ALG9: variants seen among roughly 807,000 people sequenced by gnomAD.
The protein encoded by ALG9 is alpha-1,2-mannosyltransferase ALG9.
Under a neutral mutation model 81.8 loss-of-function variants are expected in ALG9, and 55 were observed. The observed-to-expected ratio is 0.67, with a 90% CI of 0.54 to 0.84. The LOEUF (loss-of-function observed/expected upper bound fraction) is 0.84, where lower values mean the gene tolerates loss of function less well. ALG9 is among the 40% of genes least tolerant of loss of function. The pLI, the probability that ALG9 is intolerant of heterozygous loss-of-function variation, is 0.00. For synonymous variants in ALG9, 278 were observed against 274.3 expected (o/e 1.01, Z -0.13); for missense variants, 629 against 745.0 (o/e 0.84, Z 1.81).
chr11:111,785,535 C>G lies in ALG9; in HGVS notation c.*862G>C, dbSNP rs564460643. 1.3e-5 allele frequency: 2 copies of G among 153,436 alleles called. No homozygotes were observed. The highest frequency in any genetic ancestry group is 6.5e-5 in the Admixed American group (1 of 15,472). The allele number at this position is 153,436 out of a possible 1,614,324, so 9.5% of individuals were successfully genotyped here. Reference sequence around the variant, plus strand: ...AAATTCTTAATTTCCTCAGCAATGGCCTCAGATTACATTACTTAAAAATGT... The same window carrying G: ...AAATTCTTAATTTCCTCAGCAATGGGCTCAGATTACATTACTTAAAAATGT... On this transcript the variant is annotated 3_prime_UTR_variant, in exon 15 of 15. Coordinates refer to ENST00000616540, the MANE Select transcript of ALG9 (RefSeq NM_024740.2).
At position 111,785,486 on chromosome 11, in the gene ALG9, C is replaced by T. The variant is rs1195599984; in HGVS notation, c.*911G>A. 1 of 153,778 alleles carries T rather than the reference C, an allele frequency of 6.5e-6. No individual in the cohort carries two copies. Among genetic ancestry groups the T allele is most frequent in the African/African-American group, 2.4e-5 (1 of 41,426 alleles). The allele number at this position is 153,778 out of a possible 1,614,324, so 9.5% of individuals were successfully genotyped here. ...TATAAATATACACTGATCCTTTTCA[C>T]TGGGGGTGGTTAAAAAAAAAGGAAA... On this transcript the variant is annotated 3_prime_UTR_variant, in exon 15 of 15. Transcript: ENST00000616540.
At chr11:111,797,920 C>T (rs1948541036) in intron 14 of ALG9, among the ~76,000 whole-genome samples, 2 of 152,148 alleles carry the variant, frequency 1.3e-5, no homozygotes, top group Non-Finnish European at 2.9e-5. Context: ...CCAACTTGCC[C>T]TTTGACTAGA....
At chr11:111,857,765 CAGG>C in intron 5 of ALG9, 28 bp from the exon 6 acceptor site, 2 of 1,613,222 alleles carry the variant, frequency 1.2e-6, no homozygotes, top group Non-Finnish European at 1.7e-6. Flanking sequence ...TGAAAAAAGG[CAGG>C]AGGACAAGAG....
chr11:111,859,692 C>T (rs1432643477), intron 5 of ALG9, among the ~76,000 whole-genome samples: 3 of 152,106 alleles, frequency 2.0e-5, no homozygotes, highest in African/African-American at 7.2e-5. Context: ...GCATTTAGGA[C>T]AGGCTCTCAA....
intron 13 of ALG9, among the ~76,000 whole-genome samples, chr11:111,824,916 T>C (rs782753236): frequency 1.8e-4 from 27 of 152,334 alleles, no homozygotes; most frequent in Non-Finnish European, 3.4e-4. Flanking sequence ...TTCGGAAACA[T>C]CTGTGTGAAA....
At chr11:111,855,539 T>C (rs1295935642) in intron 6 of ALG9, among the ~76,000 whole-genome samples, 1 of 152,068 alleles carries the variant, frequency 6.6e-6, no homozygotes, top group Non-Finnish European at 1.5e-5. Context: ...CAATTAACAC[T>C]GATGGGAAAG....
chr11:111,864,182 A>G (rs1474099063), intron 4 of ALG9: 1 of 593,698 alleles, frequency 1.7e-6, no homozygotes, highest in Non-Finnish European at 3.1e-6. Context: ...AATAAAAGCA[A>G]GAAGTTTTCA....
chr11:111,789,830 A>C (rs1947118381), intron 14 of ALG9, among the ~76,000 whole-genome samples: 1 of 150,974 alleles, frequency 6.6e-6, no homozygotes, highest in Non-Finnish European at 1.5e-5. Context: ...AAAAAAAAAA[A>C]AACTTAAAAA....
chr11:111,823,621 A>C (rs1952775494), intron 13 of ALG9, among the ~76,000 whole-genome samples: 2 of 152,358 alleles, frequency 1.3e-5, no homozygotes, highest in East Asian at 1.9e-4. Context: ...GTGGGCTTAC[A>C]TGCCTGAAAA....
chr11:111,854,563 G>A (rs141274103), intron 6 of ALG9, among the ~76,000 whole-genome samples: 12 of 152,152 alleles, frequency 7.9e-5, no homozygotes, highest in African/African-American at 2.4e-4. Flanking sequence ...GAGCCACCAC[G>A]CCTGGCCCCA....
chr11:111,794,681 C>A lies in ALG9; in HGVS notation c.1734-8161G>T, dbSNP rs78446722. Among the ~76,000 whole-genome samples the A allele has an allele frequency of 6.5e-3, 994 of 152,192 alleles. 6 individuals carry two copies. The highest frequency in any genetic ancestry group is 0.051 in the Middle Eastern group (15 of 294). ...CTACCTATCTATCTATCCATCCATC[C>A]ATCCACCCATCCATCCAAGCATTAA... is the stretch of plus-strand genomic sequence containing the variant. On this transcript the variant is annotated intron_variant, in intron 14 of 14. Transcript: ENST00000616540.
intron 13 of ALG9, among the ~76,000 whole-genome samples, chr11:111,811,615 C>T (rs1414083719): frequency 6.6e-6 from 1 of 151,232 alleles, no homozygotes; most frequent in African/African-American, 2.4e-5. Context: ...TGTGGTATAT[C>T]CATACCATTA....
intron 13 of ALG9, among the ~76,000 whole-genome samples, chr11:111,811,711 TA>T (rs1159773419): frequency 6.6e-6 from 1 of 152,124 alleles, no homozygotes; most frequent in Non-Finnish European, 1.5e-5. Context: ...AGATAAACCT[TA>T]AAAATATTGC....
Position 111,844,815 on chromosome 11 carries a change from C to G in ALG9, c.896-92G>C, listed in dbSNP as rs1302595967. 15 of 1,382,348 alleles carry G rather than the reference C, an allele frequency of 1.1e-5. No individual in the cohort carries two copies. In the Admixed American group the frequency reaches 2.5e-4, roughly 23 times the overall value. The allele number at this position is 1,382,348 out of a possible 1,614,324, so 85.6% of individuals were successfully genotyped here. ...TATAATGTTCTTTGTTGGAATAACA[C>G]TGATGATCCTATGCCTCATGGGAAT... On this transcript the variant is annotated intron_variant, in intron 8 of 14. Coordinates refer to ENST00000616540, the MANE Select transcript of ALG9 (RefSeq NM_024740.2).
chr11:111,853,550 G>A, intron 7 of ALG9, 65 bp from the exon 8 acceptor site: 1 of 1,572,414 alleles, frequency 6.4e-7, no homozygotes, highest in Non-Finnish European at 8.8e-7. Flanking sequence ...GGATAAACCT[G>A]AGAATGAAAA....
At chr11:111,851,608 G>T (rs1470718944) in intron 8 of ALG9, among the ~76,000 whole-genome samples, 1 of 152,002 alleles carries the variant, frequency 6.6e-6, no homozygotes, top group African/African-American at 2.4e-5. Flanking sequence ...TTATAAAGGT[G>T]GAGAAGTCAA....
At chr11:111,804,870 T>C (rs538855972) in intron 14 of ALG9, among the ~76,000 whole-genome samples, 1 of 152,286 alleles carries the variant, frequency 6.6e-6, no homozygotes, top group South Asian at 2.1e-4. Context: ...GAACGCAAAA[T>C]GATACAGCCA....
intron 13 of ALG9, chr11:111,828,776 GTTAT>G (rs1555111010): frequency 2.0e-5 from 3 of 152,098 alleles, no homozygotes; most frequent in African/African-American, 7.2e-5. Context: ...CCCCATTACA[GTTAT>G]TTTTTTTCCA....
Position 111,844,669 on chromosome 11 carries a change from G to C in ALG9, c.950C>G (p.Ala317Gly). The C allele has an allele frequency of 3.7e-6, 6 of 1,613,960 alleles. No individual in the cohort carries two copies. Among genetic ancestry groups the C allele is most frequent in the Non-Finnish European group, 5.1e-6 (6 of 1,179,924 alleles). The part of the protein sequence containing the change: ...LINGFLNFNV[A>G]FALALLVLPL... ...TAGGACTAGGAGAGCCAAAGCAAAG[G>C]CTACATTGAAATTCAGAAATCCATT... The change falls in exon 9 of 15, where the codon GCC becomes GGC. Residue 317 changes from alanine to glycine, a missense_variant. Physicochemically the swap from Ala to Gly is moderately conservative, Grantham distance 60. Around this residue, in one of 3 missense-constraint regions of ALG9, gnomAD observed 344 missense variants for 390.5 expected, o/e 0.88. Coordinates refer to ENST00000616540, the MANE Select transcript of ALG9 (RefSeq NM_024740.2).
Sources: gnomAD v4.1 joint callset for allele counts (sites outside exome capture counted in the v4.1 genomes callset) on GRCh38, gnomAD v4.1.1 for gene constraint, gnomAD v4.1.1 regional missense constraint, MANE v1.5 for transcripts, NCBI Gene and HGNC (gene_info 2026-07-23, HGNC 2026-07-21) for gene names.